UNC80: variants seen among roughly 807,000 people sequenced by gnomAD.
The protein encoded by UNC80 is unc-80 subunit of NALCN channel complex.
Under a neutral mutation model 384.6 loss-of-function variants are expected in UNC80, and 164 were observed. The observed-to-expected ratio is 0.43, with a 90% CI of 0.38 to 0.49. The LOEUF is 0.49. Ranked by LOEUF, UNC80 falls within the 20% of genes least tolerant of loss-of-function variation. UNC80 has a pLI of 0.00. For synonymous variants in UNC80, 1,486 were observed against 1,527.8 expected (o/e 0.97, Z 0.64); for missense variants, 3,330 against 4,143.0 (o/e 0.80, Z 5.39).
chr2:209,877,200 T>C (rs2084856768), intron 23 of UNC80, among the ~76,000 whole-genome samples: 3 of 152,162 alleles, frequency 2.0e-5, no homozygotes, highest in African/African-American at 7.2e-5. Context: ...ATGAATTAGA[T>C]AGAGATAGTG....
chr2:209,773,259 G>T, intron 2 of UNC80, 117 bp downstream of exon 2: 2 of 867,224 alleles, frequency 2.3e-6, no homozygotes, highest in East Asian at 2.7e-5. Context: ...AAATATTATT[G>T]ATCACCCACT....
Position 209,872,898 on chromosome 2 carries a change from T to C in UNC80, c.3768T>C (p.Ser1256=). The C allele has an allele frequency of 5.8e-6, 9 of 1,551,508 alleles. No individual in the cohort carries two copies. Among genetic ancestry groups the C allele is most frequent in the Non-Finnish European group, 7.0e-6 (8 of 1,146,916 alleles). Residue 1256 remains serine (S), a synonymous_variant, in exon 23 of 65, where the codon TCT becomes TCC. Transcript: ENST00000673920. This position sits in a 1 kb window ranked among gnomAD's most constrained non-coding sequence, Gnocchi z 4.1. ...ITKKGLSRGR[S]PIVGNKRNQK... ...AGAAAGGACTTTCCCGGGGACGCTCTCCCATTGTGGGCAACAAGCGAAACC... is the reference window on the plus strand; with the variant it reads ...AGAAAGGACTTTCCCGGGGACGCTCCCCCATTGTGGGCAACAAGCGAAACC...
chr2:209,970,116 T>C (rs1483397535), intron 53 of UNC80: 5 of 523,376 alleles, frequency 9.6e-6, no homozygotes, highest in African/African-American at 1.9e-5. Flanking sequence ...CTGCTTCCCA[T>C]GCACTACTTT....
chr2:209,931,674 A>T (rs2090886905), intron 38 of UNC80, among the ~76,000 whole-genome samples: 1 of 152,190 alleles, frequency 6.6e-6, no homozygotes, highest in African/African-American at 2.4e-5. Context: ...TCCTTCAGTT[A>T]TCCATATGCA....
At position 209,773,232 on chromosome 2, in the gene UNC80, A is replaced by G. The variant is rs1158991038; in HGVS notation, c.141+90A>G. 3 of 1,095,690 alleles carry G rather than the reference A, an allele frequency of 2.7e-6. No individual in the cohort carries two copies. In the African/African-American group the frequency reaches 4.7e-5, roughly 17 times the overall value. The allele number at this position is 1,095,690 out of a possible 1,614,324, so 67.9% of individuals were successfully genotyped here. A position where few individuals can be genotyped will look rare whatever the true frequency, so the allele number is the denominator to read the frequency against. ...AGATTTTAAATCAAACGGACTATATATATTAATTCACTTGGCAAATATTAT... is the reference window on the plus strand; with the variant it reads ...AGATTTTAAATCAAACGGACTATATGTATTAATTCACTTGGCAAATATTAT... On this transcript the variant is annotated intron_variant, in intron 2 of 64. Transcript: ENST00000673920.
At chr2:209,874,123 ATTT>A (rs1302763096) in intron 23 of UNC80, among the ~76,000 whole-genome samples, 1 of 152,114 alleles carries the variant, frequency 6.6e-6, no homozygotes, top group Non-Finnish European at 1.5e-5. Flanking sequence ...TGTAATATCT[ATTT>A]TTGTAAATCG....
intron 35 of UNC80, among the ~76,000 whole-genome samples, chr2:209,922,646 A>G (rs1008313439): frequency 9.2e-5 from 14 of 152,210 alleles, no homozygotes; most frequent in African/African-American, 3.4e-4. Flanking sequence ...CATTCTAGAC[A>G]GTTAATAGTT....
chr2:209,788,758 G>A (rs77598098), intron 5 of UNC80, among the ~76,000 whole-genome samples: 41,411 of 151,096 alleles, frequency 0.27, 6,111 homozygotes, highest in Non-Finnish European at 0.33. Flanking sequence ...AAACTAAAAA[G>A]TTTATAAAGT....
chr2:209,863,174 G>A (rs759102183), intron 22 of UNC80, among the ~76,000 whole-genome samples: 3 of 152,060 alleles, frequency 2.0e-5, no homozygotes, highest in Admixed American at 6.6e-5. Flanking sequence ...AATCTCTTCC[G>A]GCTTGTAGAG....
intron 51 of UNC80, among the ~76,000 whole-genome samples, chr2:209,966,316 T>G (rs942971835): frequency 2.6e-5 from 4 of 152,186 alleles, no homozygotes; most frequent in African/African-American, 9.7e-5. Flanking sequence ...AGCTTTTTTT[T>G]GAGGAAAAAA....
chr2:209,885,361 A>G (rs1311238039), intron 25 of UNC80, among the ~76,000 whole-genome samples: 1 of 152,230 alleles, frequency 6.6e-6, no homozygotes, highest in East Asian at 1.9e-4. Context: ...AAGGGGCTGA[A>G]CAGCTCTGAT....
intron 61 of UNC80, among the ~76,000 whole-genome samples, chr2:209,991,784 C>T (rs1328811157): frequency 6.6e-6 from 1 of 152,130 alleles, no homozygotes; most frequent in Non-Finnish European, 1.5e-5. Flanking sequence ...ATGTTCCCAT[C>T]CATGTGATAG....
At chr2:209,773,195 GA>G in intron 2 of UNC80, 53 bp downstream of exon 2, 1 of 1,481,494 alleles carries the variant, frequency 6.7e-7, no homozygotes. Flanking sequence ...GTGGTGGTTT[GA>G]ACCCAAAGAC....
chr2:209,912,493 G>T (rs1329839957), intron 29 of UNC80, 67 bp from the exon 30 acceptor site: 5 of 969,776 alleles, frequency 5.2e-6, no homozygotes, highest in African/African-American at 5.1e-5. Flanking sequence ...GAATTGCGGG[G>T]ACATATAGCA....
chr2:209,903,858 G>A (rs1204236091), intron 28 of UNC80, among the ~76,000 whole-genome samples: 2 of 151,404 alleles, frequency 1.3e-5, no homozygotes, highest in Non-Finnish European at 2.9e-5. Context: ...TATTGGCCTT[G>A]CCCACATCAT....
At chr2:209,782,360 T>A (rs1433848379) in intron 4 of UNC80, among the ~76,000 whole-genome samples, 1 of 152,210 alleles carries the variant, frequency 6.6e-6, no homozygotes, top group Non-Finnish European at 1.5e-5. Context: ...TTTTCTCATG[T>A]TGTTCTTGCT....
In UNC80 at chr2:209,813,301, T is replaced by C. The variant is rs959900879; in HGVS notation, c.939-279T>C. Among the ~76,000 whole-genome samples, 4 of 152,302 alleles carry C rather than the reference T, an allele frequency of 2.6e-5. No homozygotes were observed. The South Asian group carries it at 8.3e-4, about 32-fold the overall frequency. Reference sequence around the variant, plus strand: ...TCATGCCTTTGTAGGCATTGTTCCCTCTGACAGAAATGCTAATCCTCCCTC... The same window carrying C: ...TCATGCCTTTGTAGGCATTGTTCCCCCTGACAGAAATGCTAATCCTCCCTC... On this transcript the variant is annotated intron_variant, in intron 7 of 64. Coordinates refer to ENST00000673920, the MANE Select transcript of UNC80 (RefSeq NM_001371986.1).
chr2:209,781,283 G>A (rs2077143904), intron 4 of UNC80, among the ~76,000 whole-genome samples: 1 of 152,022 alleles, frequency 6.6e-6, no homozygotes, highest in Non-Finnish European at 1.5e-5. Context: ...GTGTATCTTT[G>A]TCTCCATTTT....
At chr2:209,877,097 A>G (rs1645819160) in intron 23 of UNC80, among the ~76,000 whole-genome samples, 1 of 152,116 alleles carries the variant, frequency 6.6e-6, no homozygotes, top group Non-Finnish European at 1.5e-5. Context: ...AAACTGTCAA[A>G]CCCCAAGTTC....
Sources: gnomAD v4.1 joint callset for allele counts (sites outside exome capture counted in the v4.1 genomes callset) on GRCh38, gnomAD v4.1.1 for gene constraint, Gnocchi (gnomAD v3.1) non-coding constraint, MANE v1.5 for transcripts, NCBI Gene and HGNC (gene_info 2026-07-23, HGNC 2026-07-21) for gene names.